The following MRPS27 variants were observed in gnomAD, a reference collection of about 807,000 sequenced individuals.
The protein encoded by MRPS27 is mitochondrial ribosomal protein S27.
MRPS27 carries 43 observed loss-of-function variants against 48.9 expected under a neutral mutation model. The ratio of observed to expected loss-of-function variants is 0.88; its 90% CI spans 0.69 to 1.13. The LOEUF is 1.13. Ranked by LOEUF, MRPS27 falls within the 50% of genes most tolerant of loss-of-function variation. The probability of loss-of-function intolerance (pLI) is 0.00; values close to 1 mark genes in which losing one functional copy is unlikely to be tolerated. For synonymous variants in MRPS27, 188 were observed against 171.9 expected (o/e 1.09, Z -0.73); for missense variants, 467 against 476.3 (o/e 0.98, Z 0.18).
chr5:72,266,861 A>G (rs1045929986), intron 4 of MRPS27, among the ~76,000 whole-genome samples: 1 of 149,938 alleles, frequency 6.7e-6, no homozygotes, highest in East Asian at 1.9e-4. Context: ...TTTCGTCTCA[A>G]AAAAAAAAAG....
chr5:72,242,777 C>T (rs144187561), intron 4 of MRPS27, among the ~76,000 whole-genome samples: 144 of 151,974 alleles, frequency 9.5e-4, no homozygotes, highest in Non-Finnish European at 1.4e-3. Context: ...AGCCTTTCTT[C>T]CACGGGGTTG....
At chr5:72,244,861 A>C (rs1240385151) in intron 4 of MRPS27, among the ~76,000 whole-genome samples, 1 of 141,762 alleles carries the variant, frequency 7.1e-6, no homozygotes, top group Non-Finnish European at 1.6e-5. Flanking sequence ...ACAGACTGTA[A>C]GCTCTGCTGC....
chr5:72,296,544 A>AT (rs985379406), intron 3 of MRPS27, among the ~76,000 whole-genome samples: 5 of 152,244 alleles, frequency 3.3e-5, no homozygotes, highest in African/African-American at 1.2e-4. Context: ...GAAAATGTAC[A>AT]TAAAAACTGT....
chr5:72,278,698 C>A (rs1357951730), intron 4 of MRPS27, among the ~76,000 whole-genome samples: 2 of 152,082 alleles, frequency 1.3e-5, no homozygotes, highest in Non-Finnish European at 2.9e-5. Context: ...TTTCAAACTA[C>A]ATAAATGGTA....
intron 4 of MRPS27, among the ~76,000 whole-genome samples, chr5:72,281,043 A>G (rs1389615572): frequency 6.6e-6 from 1 of 152,232 alleles, no homozygotes; most frequent in Non-Finnish European, 1.5e-5. Context: ...CACATTCCTG[A>G]GCCTTGATGG....
chr5:72,232,416 A>T, intron 7 of MRPS27, 27 bp downstream of exon 7: 1 of 1,560,510 alleles, frequency 6.4e-7, no homozygotes, highest in South Asian at 1.1e-5. Context: ...TAAAGTTCTT[A>T]ATACTGCTTT....
At position 72,226,059 on chromosome 5, in the gene MRPS27, C is replaced by T. The variant is rs760249088; in HGVS notation, c.835G>A (p.Ala279Thr). 5 of 1,612,058 alleles carry T rather than the reference C, an allele frequency of 3.1e-6. No individual in the cohort carries two copies. In the Admixed American group the frequency reaches 6.7e-5, roughly 22 times the overall value. The change falls in exon 9 of 11, where the codon GCG (alanine) becomes ACG (threonine). Residue 279 changes from alanine to threonine, a missense_variant and splice_region_variant. By Grantham distance (58) the Ala-to-Thr change is moderately conservative. Coordinates refer to ENST00000261413, the MANE Select transcript of MRPS27 (RefSeq NM_015084.3). ...TGCCTTAGAGCTGAAGAACATACCGCTTCTCTACACAGCTTTATGTCTTCT... is the reference window on the plus strand; with the variant it reads ...TGCCTTAGAGCTGAAGAACATACCGTTTCTCTACACAGCTTTATGTCTTCT... ...SPEDIKLCRE[A>T]LDVLGAVLKA...
chr5:72,291,570 T>C (rs1749820832), intron 4 of MRPS27, among the ~76,000 whole-genome samples: 1 of 152,238 alleles, frequency 6.6e-6, no homozygotes. Context: ...AAAAAATCAA[T>C]GATTTTTATT....
At chr5:72,285,625 C>G (rs1561354527) in intron 4 of MRPS27, among the ~76,000 whole-genome samples, 1 of 152,160 alleles carries the variant, frequency 6.6e-6, no homozygotes, top group Admixed American at 6.5e-5. Flanking sequence ...GTTAGGACAA[C>G]AAGGCCCAGC....
intron 4 of MRPS27, among the ~76,000 whole-genome samples, chr5:72,265,058 A>G (rs549240597): frequency 2.6e-5 from 4 of 152,258 alleles, no homozygotes; most frequent in Non-Finnish European, 5.9e-5. Flanking sequence ...GGCAGCAACA[A>G]GATTTCAAGA....
chr5:72,315,701 A>G (rs1750548782), intron 1 of MRPS27, among the ~76,000 whole-genome samples: 1 of 152,224 alleles, frequency 6.6e-6, no homozygotes, highest in Non-Finnish European at 1.5e-5. Context: ...ACTCACTACA[A>G]TGACCACCAT....
At chr5:72,299,287 T>C (rs186626117) in intron 2 of MRPS27, among the ~76,000 whole-genome samples, 1 of 135,124 alleles carries the variant, frequency 7.4e-6, no homozygotes, top group East Asian at 2.1e-4. Context: ...AGAAGTCCAA[T>C]ATAATTAGCT....
intron 4 of MRPS27, among the ~76,000 whole-genome samples, chr5:72,276,027 GT>G: frequency 1.6e-4 from 23 of 147,892 alleles, no homozygotes; most frequent in African/African-American, 5.6e-4. Flanking sequence ...AAATGTGTGT[GT>G]GTGGGGGGGG....
At chr5:72,303,467 CAA>C (rs1261540475) in intron 2 of MRPS27, among the ~76,000 whole-genome samples, 1 of 151,874 alleles carries the variant, frequency 6.6e-6, no homozygotes, top group African/African-American at 2.4e-5. Context: ...TATGATGAGA[CAA>C]TGATGAGAAT....
intron 5 of MRPS27, 43 bp downstream of exon 5, chr5:72,237,971 C>T (rs765263374): frequency 9.1e-6 from 13 of 1,424,054 alleles, no homozygotes; most frequent in African/African-American, 1.4e-5. Context: ...ACCATATCAC[C>T]TAAACTCAGG....
At chr5:72,317,540 G>A (rs183315834) in intron 1 of MRPS27, among the ~76,000 whole-genome samples, 11 of 151,992 alleles carry the variant, frequency 7.2e-5, no homozygotes, top group South Asian at 2.1e-4. Context: ...GCGCCACCAC[G>A]CCTAATTTTG....
At chr5:72,230,628 T>C (rs1748034800) in intron 7 of MRPS27, among the ~76,000 whole-genome samples, 1 of 152,164 alleles carries the variant, frequency 6.6e-6, no homozygotes, top group South Asian at 2.1e-4. Flanking sequence ...CATTTACACA[T>C]GGAAGTATAA....
chr5:72,235,059 C>A (rs1471758221), intron 5 of MRPS27, among the ~76,000 whole-genome samples: 1 of 152,040 alleles, frequency 6.6e-6, no homozygotes, highest in Non-Finnish European at 1.5e-5. Context: ...CAGTCCTAAC[C>A]CCCAACTGAA....
At chr5:72,319,368 C>A (rs1750673595) in intron 1 of MRPS27, among the ~76,000 whole-genome samples, 4 of 152,000 alleles carry the variant, frequency 2.6e-5, no homozygotes, top group Admixed American at 2.6e-4. Context: ...AAGTTGTGCT[C>A]TAGGTCATCA....
Sources: gnomAD v4.1 joint callset for allele counts (sites outside exome capture counted in the v4.1 genomes callset) on GRCh38, gnomAD v4.1.1 for gene constraint, MANE v1.5 for transcripts, NCBI Gene and HGNC (gene_info 2026-07-23, HGNC 2026-07-21) for gene names.